TMEM117: variants seen among roughly 807,000 people sequenced by gnomAD.
TMEM117 encodes the protein transmembrane protein 117.
Under a neutral mutation model 52.4 loss-of-function variants are expected in TMEM117, and 27 were observed. The observed-to-expected ratio is 0.51, with a 90% CI of 0.38 to 0.71. The LOEUF is 0.71. Among genes scored for constraint, TMEM117 ranks in the 30% least tolerant of loss-of-function variants. The probability of loss-of-function intolerance (pLI) is 0.00; values close to 1 mark genes in which losing one functional copy is unlikely to be tolerated. For synonymous variants in TMEM117, 215 were observed against 206.3 expected (o/e 1.04, Z -0.36); for missense variants, 556 against 630.5 (o/e 0.88, Z 1.26).
At chr12:44,078,938 C>T (rs191323224) in intron 3 of TMEM117, among the ~76,000 whole-genome samples, 83 of 148,438 alleles carry the variant, frequency 5.6e-4, no homozygotes, top group Non-Finnish European at 7.3e-4. Flanking sequence ...GTTCAACTCC[C>T]ACTTATAAGT....
At chr12:44,238,770 C>T (rs1422583069) in intron 5 of TMEM117, among the ~76,000 whole-genome samples, 1 of 152,134 alleles carries the variant, frequency 6.6e-6, no homozygotes, top group African/African-American at 2.4e-5. Context: ...TTCAAAGAAC[C>T]AGTTCAATGC....
At chr12:44,147,931 C>CAAAAAAA (rs61271123) in intron 4 of TMEM117, among the ~76,000 whole-genome samples, 2 of 61,790 alleles carry the variant, frequency 3.2e-5, no homozygotes, top group African/African-American at 6.1e-5. Context: ...GACTCTGTCT[C>CAAAAAAA]AAAAAAAAAA....
chr12:44,364,906 A>G (rs1194394445), intron 6 of TMEM117, among the ~76,000 whole-genome samples: 1 of 152,106 alleles, frequency 6.6e-6, no homozygotes, highest in Non-Finnish European at 1.5e-5. Context: ...GTGTCTTTTT[A>G]GCAAGCTGTG....
intron 4 of TMEM117, among the ~76,000 whole-genome samples, chr12:44,200,159 G>T (rs1287216280): frequency 6.6e-6 from 1 of 151,754 alleles, no homozygotes; most frequent in African/African-American, 2.4e-5. Context: ...AAACAAAATA[G>T]AAACAAAAAA....
intron 7 of TMEM117, 45 bp from the exon 8 acceptor site, chr12:44,387,981 A>G (rs1258541480): frequency 6.5e-7 from 1 of 1,527,668 alleles, no homozygotes; most frequent in Non-Finnish European, 8.8e-7. Context: ...CCTTATTGCA[A>G]TTTTATGGCC....
chr12:44,194,911 A>G (rs1031993288), intron 4 of TMEM117, among the ~76,000 whole-genome samples: 2 of 152,238 alleles, frequency 1.3e-5, no homozygotes, highest in Non-Finnish European at 2.9e-5. Context: ...GGTAGAAAAA[A>G]TTATGTTAGT....
At chr12:44,375,886 T>C (rs1951934113) in intron 6 of TMEM117, among the ~76,000 whole-genome samples, 1 of 152,176 alleles carries the variant, frequency 6.6e-6, no homozygotes, top group Non-Finnish European at 1.5e-5. Flanking sequence ...CCTAAAAATA[T>C]CCTCATTTGC....
At chr12:43,810,825 C>A in the TMEM117 span, among the ~76,000 whole-genome samples, 1 of 152,098 alleles carries the variant, frequency 6.6e-6, no homozygotes, top group Non-Finnish European at 1.5e-5. Context: ...AATACTTTAT[C>A]ATAAAGCTTC....
At chr12:43,833,648 G>T (rs188939664), upstream of TMEM117, among the ~76,000 whole-genome samples, 1 of 152,236 alleles carries the variant, frequency 6.6e-6, no homozygotes, top group Non-Finnish European at 1.5e-5. Flanking sequence ...AATTAGCTAG[G>T]TGTGGTGGTG....
In TMEM117 at chr12:44,347,165, T is replaced by C. The variant is rs546625415; in HGVS notation, c.769-29430T>C. Among the ~76,000 whole-genome samples the C allele has an allele frequency of 3.7e-4, 57 of 152,090 alleles. 1 individual carries two copies. Among genetic ancestry groups the C allele is most frequent in the Non-Finnish European group, 6.3e-4 (43 of 68,000 alleles). On this transcript the variant is annotated intron_variant, in intron 6 of 7. Coordinates refer to ENST00000266534, the MANE Select transcript of TMEM117 (RefSeq NM_032256.3). ...CCACTTAAATCAATCCTACCTATAT[T>C]GTAACCTTTTATTCCATGGTGAATA...
At chr12:44,327,147 A>G (rs1420635874) in intron 6 of TMEM117, among the ~76,000 whole-genome samples, 4 of 152,208 alleles carry the variant, frequency 2.6e-5, no homozygotes, top group African/African-American at 7.2e-5. Flanking sequence ...CCTCTCTTCT[A>G]AGAACCTTAA....
At chr12:44,128,188 C>T (rs540278551) in intron 3 of TMEM117, among the ~76,000 whole-genome samples, 1 of 152,170 alleles carries the variant, frequency 6.6e-6, no homozygotes, top group Admixed American at 6.5e-5. Context: ...CCTGAGCTGC[C>T]CTCTCCGCTC....
chr12:44,232,572 T>A (rs1289100653), intron 5 of TMEM117, among the ~76,000 whole-genome samples: 12 of 151,494 alleles, frequency 7.9e-5, no homozygotes, highest in Admixed American at 7.9e-4. Context: ...CTTTGGTTCT[T>A]TATTTTTAAC....
intron 3 of TMEM117, among the ~76,000 whole-genome samples, chr12:44,134,165 C>T (rs769521247): frequency 3.9e-5 from 6 of 152,200 alleles, no homozygotes; most frequent in Admixed American, 6.5e-5. Flanking sequence ...GACACACTCA[C>T]CGTTTGTCCC....
the TMEM117 span, chr12:43,806,158 C>CCTCCCGGTCCTGCAGCCCTCCCGGCT: frequency 6.5e-7 from 1 of 1,534,324 alleles, no homozygotes; most frequent in Non-Finnish European, 8.7e-7. Context: ...GTCCTGCAGC[C>CCTCCCGGTCCTGCAGCCCTCCCGGCT]CTCCCGGCTC....
intron 6 of TMEM117, among the ~76,000 whole-genome samples, chr12:44,307,704 C>T (rs1337403936): frequency 2.0e-5 from 3 of 152,172 alleles, no homozygotes; most frequent in African/African-American, 7.2e-5. Flanking sequence ...TATTAGCAGT[C>T]CTGGCAACAG....
chr12:43,993,520 G>A (rs574571829), intron 3 of TMEM117, among the ~76,000 whole-genome samples: 1 of 152,220 alleles, frequency 6.6e-6, no homozygotes, highest in African/African-American at 2.4e-5. Flanking sequence ...AGACTCTTGT[G>A]TTAGGGTTTG....
chr12:44,279,916 T>A (rs556181751), intron 5 of TMEM117, among the ~76,000 whole-genome samples: 2 of 152,188 alleles, frequency 1.3e-5, no homozygotes, highest in Non-Finnish European at 2.9e-5. Context: ...TTTGGAGTTT[T>A]GGGCCACTAG....
intron 3 of TMEM117, among the ~76,000 whole-genome samples, chr12:44,068,054 A>G (rs1947248581): frequency 6.6e-6 from 1 of 152,030 alleles, no homozygotes; most frequent in Non-Finnish European, 1.5e-5. Context: ...CTTTCCTTAA[A>G]CTGCATGATC....
Sources: gnomAD v4.1 joint callset for allele counts (sites outside exome capture counted in the v4.1 genomes callset) on GRCh38, gnomAD v4.1.1 for gene constraint, MANE v1.5 for transcripts, NCBI Gene and HGNC (gene_info 2026-07-23, HGNC 2026-07-21) for gene names.